Variants in BRINP1 observed in about 807,000 individuals in gnomAD.
BRINP1 encodes BMP/retinoic acid-inducible neural-specific protein 1.
In BRINP1, 17 loss-of-function variants were observed where a neutral mutation model predicts 72.9. The observed-to-expected ratio is 0.23, with a 90% CI of 0.16 to 0.35. The LOEUF (loss-of-function observed/expected upper bound fraction) is 0.35. Among genes scored for constraint, BRINP1 ranks in the 10% least tolerant of loss-of-function variants. The pLI, the probability that BRINP1 is intolerant of heterozygous loss-of-function variation, is 1.00. For synonymous variants in BRINP1, 418 were observed against 378.5 expected (o/e 1.10, Z -1.21); for missense variants, 850 against 1,001.6 (o/e 0.85, Z 2.04).
chr9:119,340,557 A>G (rs1308617379), intron 1 of BRINP1, among the ~76,000 whole-genome samples: 1 of 152,190 alleles, frequency 6.6e-6, no homozygotes, highest in Non-Finnish European at 1.5e-5. Flanking sequence ...GAAAAAGGGT[A>G]CAGGATTTGG....
intron 7 of BRINP1, among the ~76,000 whole-genome samples, chr9:119,202,608 C>T (rs555421609): frequency 1.7e-4 from 26 of 152,274 alleles, no homozygotes; most frequent in Middle Eastern, 6.8e-3. Flanking sequence ...CAAGACAAGC[C>T]ACAGGAATCT....
At chr9:119,254,440 T>A (rs1201338803) in intron 2 of BRINP1, among the ~76,000 whole-genome samples, 1 of 151,706 alleles carries the variant, frequency 6.6e-6, no homozygotes, top group Non-Finnish European at 1.5e-5. Context: ...CGGAAAAAAA[T>A]AACAGCAAAT....
rs147604421 is a variant in BRINP1, at chr9:119,192,108, G to C, written c.1145+16611C>G. On this transcript the variant is annotated intron_variant, in intron 7 of 7. Transcript: ENST00000265922. ...TCATACACAAAAATCAATTCAAAAT[G>C]GATAAAAGGCCTCATTGGAAGATCT... Among the ~76,000 whole-genome samples, 131 of 152,006 alleles carry C rather than the reference G, an allele frequency of 8.6e-4. 2 individuals carry two copies. In the East Asian group the frequency reaches 0.023, roughly 26 times the overall value.
chr9:119,171,614 G>C (rs539085603), intron 7 of BRINP1, among the ~76,000 whole-genome samples: 2 of 127,690 alleles, frequency 1.6e-5, no homozygotes, highest in South Asian at 2.9e-4. Context: ...ATTGAACTCA[G>C]CTCTGCACCA....
chr9:119,172,933 C>T (rs894213786), intron 7 of BRINP1, among the ~76,000 whole-genome samples: 4 of 150,796 alleles, frequency 2.7e-5, no homozygotes, highest in Non-Finnish European at 5.9e-5. Context: ...ATTCAACCAC[C>T]CTTCATGCTA....
chr9:119,228,837 G>A (rs1185773871), intron 5 of BRINP1, among the ~76,000 whole-genome samples: 2 of 152,216 alleles, frequency 1.3e-5, no homozygotes, highest in African/African-American at 4.8e-5. Flanking sequence ...GGGACCCCAC[G>A]AATGTGGGGA....
intron 1 of BRINP1, among the ~76,000 whole-genome samples, chr9:119,338,908 A>C (rs1831380160): frequency 6.6e-6 from 1 of 151,500 alleles, no homozygotes; most frequent in Non-Finnish European, 1.5e-5. Context: ...AACAAAAAAA[A>C]ACAACAACAA....
intron 1 of BRINP1, among the ~76,000 whole-genome samples, chr9:119,319,672 C>G (rs1831164415): frequency 6.6e-6 from 1 of 152,110 alleles, no homozygotes. Context: ...AGCATACAGT[C>G]CAGAGCAGTT....
intron 2 of BRINP1, among the ~76,000 whole-genome samples, chr9:119,278,862 T>C (rs530677693): frequency 6.6e-6 from 1 of 152,194 alleles, no homozygotes; most frequent in Non-Finnish European, 1.5e-5. Context: ...CACTCCGACA[T>C]GGTAACAGAG....
At chr9:119,307,771 C>T (rs769664848) in intron 2 of BRINP1, among the ~76,000 whole-genome samples, 2 of 152,096 alleles carry the variant, frequency 1.3e-5, no homozygotes, top group Admixed American at 6.6e-5. Flanking sequence ...AGAGGTTGTA[C>T]GGTTAAAAAG....
chr9:119,299,795 C>T (rs1425661303), intron 2 of BRINP1, among the ~76,000 whole-genome samples: 1 of 152,068 alleles, frequency 6.6e-6, no homozygotes, highest in African/African-American at 2.4e-5. Flanking sequence ...ATCCATATGT[C>T]CACTGATGGA....
At chr9:119,259,136 G>A (rs928564851) in intron 2 of BRINP1, among the ~76,000 whole-genome samples, 1 of 152,162 alleles carries the variant, frequency 6.6e-6, no homozygotes, top group Non-Finnish European at 1.5e-5. Flanking sequence ...TGCAAAACAG[G>A]TCCTTTCACA....
At chr9:119,354,782 T>C (rs1203063233) in intron 1 of BRINP1, among the ~76,000 whole-genome samples, 2 of 152,112 alleles carry the variant, frequency 1.3e-5, no homozygotes, top group Non-Finnish European at 2.9e-5. Flanking sequence ...AGCAGGAAGA[T>C]TGCTTGAGCC....
At chr9:119,188,799 T>C (rs530466055) in intron 7 of BRINP1, among the ~76,000 whole-genome samples, 1 of 152,098 alleles carries the variant, frequency 6.6e-6, no homozygotes, top group South Asian at 2.1e-4. Flanking sequence ...AAATGGGAAG[T>C]ACTTCAACTA....
intron 2 of BRINP1, among the ~76,000 whole-genome samples, chr9:119,276,335 C>T (rs1319079591): frequency 6.6e-6 from 1 of 152,150 alleles, no homozygotes. Context: ...ATTATGAGAA[C>T]ACCTTCCTGA....
intron 1 of BRINP1, among the ~76,000 whole-genome samples, chr9:119,360,714 C>T (rs1831620585): frequency 6.6e-6 from 1 of 152,124 alleles, no homozygotes; most frequent in African/African-American, 2.4e-5. Flanking sequence ...CTCCATTATC[C>T]CCAAGCTCCA....
At chr9:119,173,542 A>C (rs1358086786) in intron 7 of BRINP1, among the ~76,000 whole-genome samples, 1 of 152,226 alleles carries the variant, frequency 6.6e-6, no homozygotes, top group Admixed American at 6.5e-5. Context: ...AATATCATGA[A>C]AATGGCCATA....
rs1019738784 is a variant in BRINP1, at chr9:119,167,003, G to GT, written c.*80dup. 14 of 1,418,396 alleles carry GT rather than the reference G, an allele frequency of 9.9e-6. No individual in the cohort carries two copies. Among genetic ancestry groups the GT allele is most frequent in the African/African-American group, 5.8e-5 (4 of 69,406 alleles). The allele number at this position is 1,418,396 out of a possible 1,614,324, so 87.9% of individuals were successfully genotyped here. On this transcript the variant is annotated 3_prime_UTR_variant, in exon 8 of 8. Transcript: ENST00000265922. This position sits in a 1 kb window ranked among gnomAD's most constrained non-coding sequence, Gnocchi z 4.3. Reference sequence around the variant, plus strand: ...AATTACATTTTACAAATTTTTGTGGGTTTTTTTGTTTTGTTTTGCTTCATT... The same window carrying GT: ...AATTACATTTTACAAATTTTTGTGGGTTTTTTTTGTTTTGTTTTGCTTCATT...
intron 6 of BRINP1, among the ~76,000 whole-genome samples, chr9:119,210,800 A>C (rs1285050740): frequency 6.6e-6 from 1 of 152,240 alleles, no homozygotes; most frequent in African/African-American, 2.4e-5. Flanking sequence ...TCAAGGCGTC[A>C]GTTTCCCCAT....
Sources: gnomAD v4.1 joint callset for allele counts (sites outside exome capture counted in the v4.1 genomes callset) on GRCh38, gnomAD v4.1.1 for gene constraint, Gnocchi (gnomAD v3.1) non-coding constraint, MANE v1.5 for transcripts, NCBI Gene and HGNC (gene_info 2026-07-23, HGNC 2026-07-21) for gene names.